The following SERAC1 variants were observed in gnomAD, a reference collection of about 807,000 sequenced individuals.
SERAC1 encodes the protein protein SERAC1.
In SERAC1, 36 loss-of-function variants were observed where a neutral mutation model predicts 85.7. The observed-to-expected ratio is 0.42, with a 90% CI of 0.32 to 0.55. SERAC1 has a LOEUF of 0.55. Among genes scored for constraint, SERAC1 ranks in the 20% least tolerant of loss-of-function variants. The pLI is 0.11. For synonymous variants in SERAC1, 242 were observed against 265.3 expected (o/e 0.91, Z 0.85); for missense variants, 629 against 796.2 (o/e 0.79, Z 2.53).
intron 12 of SERAC1, among the ~76,000 whole-genome samples, chr6:158,118,241 CT>C (rs1784337836): frequency 6.6e-6 from 1 of 152,124 alleles, no homozygotes; most frequent in African/African-American, 2.4e-5. Flanking sequence ...TACCCTAGGT[CT>C]ATCATCATCT....
In SERAC1 at chr6:158,120,165, C is replaced by T. The variant is rs185988908; in HGVS notation, c.1166+260G>A. 7.9e-5 allele frequency among the ~76,000 whole-genome samples: 12 copies of T among 152,244 alleles called. No homozygotes were observed. Among genetic ancestry groups the T allele is most frequent in the Admixed American group, 2.0e-4 (3 of 15,296 alleles). On this transcript the variant is annotated intron_variant, in intron 11 of 16. Coordinates refer to ENST00000647468, the MANE Select transcript of SERAC1 (RefSeq NM_032861.4). The surrounding 1 kb of genome is among the most constrained non-coding windows in gnomAD (Gnocchi z 4.4). Reference sequence around the variant, plus strand: ...TATGTATTACAAAGTTTAAGTGTGACGCATTATCAAATGTGAATGCCACCT... The same window carrying T: ...TATGTATTACAAAGTTTAAGTGTGATGCATTATCAAATGTGAATGCCACCT...
At chr6:158,135,506 C>G (rs1470748814) in intron 8 of SERAC1, among the ~76,000 whole-genome samples, 1 of 152,008 alleles carries the variant, frequency 6.6e-6, no homozygotes, top group Non-Finnish European at 1.5e-5. Flanking sequence ...GCACTCCAGC[C>G]TGGGTGACAG....
At chr6:158,124,901 T>A (rs1457561378) in intron 10 of SERAC1, among the ~76,000 whole-genome samples, 1 of 152,146 alleles carries the variant, frequency 6.6e-6, no homozygotes, top group East Asian at 1.9e-4. Context: ...TTGTTGCCAG[T>A]GGACCCAATA....
At chr6:158,153,689 A>G (rs188000394) in intron 3 of SERAC1, among the ~76,000 whole-genome samples, 1 of 151,982 alleles carries the variant, frequency 6.6e-6, no homozygotes, top group Non-Finnish European at 1.5e-5. Flanking sequence ...TGACTTACAC[A>G]CTCCCTAAAT....
intron 1 of SERAC1, among the ~76,000 whole-genome samples, chr6:158,162,922 G>A (rs975624645): frequency 1.3e-5 from 2 of 151,992 alleles, no homozygotes; most frequent in African/African-American, 2.4e-5. Context: ...TTGATCTTAC[G>A]AGTAACTTTG....
chr6:158,162,273 G>T (rs1785505855), intron 1 of SERAC1: 1 of 152,078 alleles, frequency 6.6e-6, no homozygotes, highest in African/African-American at 2.4e-5. Context: ...CTACTGTAAA[G>T]GGTTGTTACA....
At chr6:158,123,401 A>G (rs1046199163) in intron 10 of SERAC1, among the ~76,000 whole-genome samples, 1 of 152,214 alleles carries the variant, frequency 6.6e-6, no homozygotes, top group Non-Finnish European at 1.5e-5. Flanking sequence ...CAAGAAAAGG[A>G]AAGAACAGGG....
intron 8 of SERAC1, among the ~76,000 whole-genome samples, chr6:158,140,637 T>C (rs185862263): frequency 3.3e-4 from 51 of 152,336 alleles, no homozygotes; most frequent in African/African-American, 8.9e-4. Context: ...TCATGGGCAC[T>C]CCCAGTTTAT....
chr6:158,154,081 A>G (rs979742744), intron 3 of SERAC1, among the ~76,000 whole-genome samples: 6 of 147,090 alleles, frequency 4.1e-5, no homozygotes, highest in Non-Finnish European at 5.9e-5. Flanking sequence ...GATCACCTGA[A>G]CCCAGGGGGC....
chr6:158,162,983 C>T (rs76958658), intron 1 of SERAC1, among the ~76,000 whole-genome samples: 6,589 of 152,258 alleles, frequency 0.043, 190 homozygotes, highest in Middle Eastern at 0.15. Flanking sequence ...GAAGTACGTG[C>T]ACATCGAGGC....
At position 158,116,223 on chromosome 6, in the gene SERAC1, C is replaced by CCAA; in HGVS notation, c.1460_1462dup (p.Val487dup). The CCAA allele has an allele frequency of 1.9e-6, 3 of 1,614,064 alleles. No homozygotes were observed. Among genetic ancestry groups the CCAA allele is most frequent in the Non-Finnish European group, 2.5e-6 (3 of 1,179,980 alleles). ...TGATATCCAAACCACTGGCCTATCCCCAACACCAGCAGCTCTGAGCTTCCT... is the reference window on the plus strand; with the variant it reads ...TGATATCCAAACCACTGGCCTATCCCCAACAACACCAGCAGCTCTGAGCTTCCT... On this transcript the variant is annotated inframe_insertion, in exon 14 of 17. Coordinates refer to ENST00000647468, the MANE Select transcript of SERAC1 (RefSeq NM_032861.4).
At chr6:158,164,406 T>C (rs1583616681) in intron 1 of SERAC1, among the ~76,000 whole-genome samples, 1 of 151,894 alleles carries the variant, frequency 6.6e-6, no homozygotes, top group Non-Finnish European at 1.5e-5. Context: ...AACTAGGAGG[T>C]GCAGCTTGCA....
intron 15 of SERAC1, chr6:158,114,416 T>G: frequency 1.1e-6 from 1 of 907,198 alleles, no homozygotes; most frequent in Non-Finnish European, 1.3e-6. Context: ...ACTTTAAAAT[T>G]AATACTAACA....
intron 8 of SERAC1, among the ~76,000 whole-genome samples, chr6:158,140,087 T>C (rs568963689): frequency 6.6e-6 from 1 of 152,318 alleles, no homozygotes; most frequent in South Asian, 2.1e-4. Flanking sequence ...CACAAAGACA[T>C]GCACATAAAT....
chr6:158,166,647 G>A (rs746662852), intron 1 of SERAC1, among the ~76,000 whole-genome samples: 1 of 152,012 alleles, frequency 6.6e-6, no homozygotes, highest in Non-Finnish European at 1.5e-5. Flanking sequence ...ATTTACTTGG[G>A]TCATCTTTTG....
In SERAC1 at chr6:158,110,240, C is replaced by T. The variant is rs1050762519; in HGVS notation, c.*1126G>A. The stretch of plus-strand genomic sequence containing the variant: ...AAAGTATTTATTTATTTTTTAATTA[C>T]CCAAGTGTGGTGGCATGTGCCTGTA... On this transcript the variant is annotated 3_prime_UTR_variant, in exon 17 of 17. Coordinates refer to ENST00000647468, the MANE Select transcript of SERAC1 (RefSeq NM_032861.4). The T allele has an allele frequency of 6.6e-6, 1 of 151,982 alleles. No homozygotes were observed. Among genetic ancestry groups the T allele is most frequent in the East Asian group, 1.9e-4 (1 of 5,192 alleles). The allele number at this position is 151,982 out of a possible 1,614,324, so 9.4% of individuals were successfully genotyped here.
chr6:158,140,739 T>C (rs1462201736), intron 8 of SERAC1, among the ~76,000 whole-genome samples: 1 of 152,114 alleles, frequency 6.6e-6, no homozygotes, highest in African/African-American at 2.4e-5. Flanking sequence ...CCTTAACCTA[T>C]GGGCTCTGAC....
intron 1 of SERAC1, among the ~76,000 whole-genome samples, chr6:158,162,876 T>C (rs1423614953): frequency 6.6e-6 from 1 of 152,210 alleles, no homozygotes; most frequent in African/African-American, 2.4e-5. Context: ...CCTATAACCA[T>C]GATCTTTGGT....
chr6:158,143,618 C>T (rs1327804393), intron 7 of SERAC1, among the ~76,000 whole-genome samples: 1 of 152,042 alleles, frequency 6.6e-6, no homozygotes, highest in African/African-American at 2.4e-5. Flanking sequence ...TGCACCCTTA[C>T]TAATTAAAGC....
Sources: allele counts gnomAD v4.1 joint callset (sites outside exome capture counted in the v4.1 genomes callset), GRCh38; gene constraint gnomAD v4.1.1; non-coding constraint Gnocchi (gnomAD v3.1); transcripts MANE v1.5; gene names NCBI Gene and HGNC (gene_info 2026-07-23, HGNC 2026-07-21).